The following CHLSN variants were observed in gnomAD, a reference collection of about 807,000 sequenced individuals.
The protein encoded by CHLSN is protein cholesin.
the CHLSN span, chr7:1,057,842 C>T: frequency 1.3e-6 from 1 of 777,718 alleles, no homozygotes; most frequent in Non-Finnish European, 2.4e-6. Context: ...AGATCCCCTT[C>T]AATGTGTCCT....
chr7:1,135,692 G>A, the CHLSN span, among the ~76,000 whole-genome samples: 5 of 150,348 alleles, frequency 3.3e-5, no homozygotes, highest in African/African-American at 9.8e-5. Flanking sequence ...GTTTGAATAC[G>A]AGGTGGAGGT....
At chr7:1,036,007 G>A in the CHLSN span, among the ~76,000 whole-genome samples, 2,731 of 152,252 alleles carry the variant, frequency 0.018, 84 homozygotes, top group African/African-American at 0.061. Flanking sequence ...GACAGGTGCC[G>A]GCTGAAAAGG....
chr7:1,092,038 G>A, the CHLSN span: 1 of 1,614,050 alleles, frequency 6.2e-7, no homozygotes, highest in Non-Finnish European at 8.5e-7. Flanking sequence ...CCTGGCGGTG[G>A]CGGACCTCAT....
chr7:1,055,820 G>A, the CHLSN span, among the ~76,000 whole-genome samples: 15 of 152,128 alleles, frequency 9.9e-5, no homozygotes, highest in African/African-American at 3.6e-4. Flanking sequence ...CAGATCCGGG[G>A]GCCCTGGGCG....
the CHLSN span, among the ~76,000 whole-genome samples, chr7:1,070,999 TGCACACGCAC>T: frequency 6.9e-6 from 1 of 144,704 alleles, no homozygotes; most frequent in South Asian, 2.1e-4. Context: ...CACACACACG[TGCACACGCAC>T]ATGCACACAC....
At chr7:1,012,824 G>A in the CHLSN span, among the ~76,000 whole-genome samples, 13 of 152,108 alleles carry the variant, frequency 8.5e-5, no homozygotes, top group East Asian at 2.1e-3. Flanking sequence ...GCTCGCGCTC[G>A]CTGCCTTGGG....
chr7:1,058,421 C>T, the CHLSN span: 17 of 780,756 alleles, frequency 2.2e-5, no homozygotes, highest in Non-Finnish European at 3.3e-5. Context: ...TGAACCAGAG[C>T]TTCCCCAGCA....
At chr7:1,032,998 G>A in the CHLSN span, among the ~76,000 whole-genome samples, 16,254 of 152,174 alleles carry the variant, frequency 0.11, 1,153 homozygotes, top group Middle Eastern at 0.2. Flanking sequence ...CACTCGCGGT[G>A]CGGACCCAGG....
chr7:995,078 C>G, the CHLSN span, among the ~76,000 whole-genome samples: 2 of 152,380 alleles, frequency 1.3e-5, no homozygotes, highest in South Asian at 4.1e-4. Flanking sequence ...GCTCAGGAGT[C>G]CCGCACAAGC....
the CHLSN span, among the ~76,000 whole-genome samples, chr7:1,129,982 C>T: frequency 0.05 from 7,610 of 152,200 alleles, 652 homozygotes; most frequent in African/African-American, 0.17. Context: ...CATCAACTAG[C>T]AAAGCTGTGG....
the CHLSN span, chr7:1,087,017 C>G: frequency 6.6e-6 from 1 of 152,234 alleles, no homozygotes. Context: ...TGGGGGGCCT[C>G]GCTCTGCCCT....
chr7:1,065,970 G>A, the CHLSN span, among the ~76,000 whole-genome samples: 1 of 152,222 alleles, frequency 6.6e-6, no homozygotes. Flanking sequence ...TCACTTTCAG[G>A]GCCCCACCAG....
chr7:984,637 G>C, the CHLSN span: 35 of 1,507,810 alleles, frequency 2.3e-5, no homozygotes, highest in African/African-American at 4.6e-4. Context: ...CCCAGGAGGG[G>C]TGGGGGCTCC....
At chr7:1,124,593 T>G in the CHLSN span, among the ~76,000 whole-genome samples, 2 of 137,462 alleles carry the variant, frequency 1.5e-5, no homozygotes, top group Middle Eastern at 3.9e-3. Flanking sequence ...GGGATAGCAT[T>G]GGGAGATATA....
chr7:987,923 CTG>C, the CHLSN span, among the ~76,000 whole-genome samples: 5 of 144,120 alleles, frequency 3.5e-5, no homozygotes, highest in Non-Finnish European at 3.0e-5. Context: ...TGGGGATCCC[CTG>C]TGTGTCCTGG....
chr7:1,016,166 G>GCAGCACACGC, the CHLSN span, among the ~76,000 whole-genome samples: 1 of 63,650 alleles, frequency 1.6e-5, no homozygotes, highest in Non-Finnish European at 2.9e-5. Context: ...CCAGCACACA[G>GCAGCACACGC]CAGCACACAG....
At chr7:1,123,074 G>T in the CHLSN span, among the ~76,000 whole-genome samples, 1 of 152,210 alleles carries the variant, frequency 6.6e-6, no homozygotes, top group Non-Finnish European at 1.5e-5. The surrounding 1 kb of genome is among the most constrained non-coding windows in gnomAD (Gnocchi z 4.4). Flanking sequence ...AACACCCAGA[G>T]CCGAGACCCT....
chr7:1,070,502 C>T, the CHLSN span, among the ~76,000 whole-genome samples: 177 of 150,612 alleles, frequency 1.2e-3, no homozygotes, highest in African/African-American at 3.6e-3. Flanking sequence ...CGAATGCACG[C>T]GCACACATGC....
At chr7:1,038,545 C>A in the CHLSN span, among the ~76,000 whole-genome samples, 1 of 111,018 alleles carries the variant, frequency 9.0e-6, no homozygotes, top group African/African-American at 3.6e-5. Flanking sequence ...GGTCAGCCCT[C>A]CGCCCGGCCA....
Sources: gnomAD v4.1 joint callset for allele counts (sites outside exome capture counted in the v4.1 genomes callset) on GRCh38, gnomAD v4.1.1 for gene constraint, Gnocchi (gnomAD v3.1) non-coding constraint, MANE v1.5 for transcripts, NCBI Gene and HGNC (gene_info 2026-07-23, HGNC 2026-07-21) for gene names.